The following ANKFN1 variants were observed in gnomAD, a reference collection of about 807,000 sequenced individuals.
ANKFN1 encodes the protein ankyrin repeat and fibronectin type III domain containing 1, also known as ankyrin repeat and fibronectin type-III domain-containing protein 1.
A neutral mutation model predicts 108.7 loss-of-function variants in ANKFN1; 74 were observed. That is an observed-to-expected ratio of 0.68 (90% CI 0.56 to 0.83). The LOEUF is 0.83. ANKFN1 is among the 40% of genes least tolerant of loss of function. ANKFN1 has a pLI of 0.00. For synonymous variants in ANKFN1, 547 were observed against 516.2 expected (o/e 1.06, Z -0.81); for missense variants, 1,505 against 1,382.3 (o/e 1.09, Z -1.41).
At chr17:56,176,146 T>A (rs1015673016) in intron 1 of ANKFN1, among the ~76,000 whole-genome samples, 10 of 151,994 alleles carry the variant, frequency 6.6e-5, no homozygotes, top group African/African-American at 2.4e-4. Context: ...CTTAATGCAT[T>A]TTTCTAGTAA....
At chr17:56,222,597 A>G (rs1383919613) in intron 2 of ANKFN1, among the ~76,000 whole-genome samples, 1 of 152,250 alleles carries the variant, frequency 6.6e-6, no homozygotes, top group African/African-American at 2.4e-5. Flanking sequence ...CAAAGGAATG[A>G]TCGGAGAAAA....
intron 1 of ANKFN1, among the ~76,000 whole-genome samples, chr17:56,210,851 A>G (rs1189354282): frequency 6.6e-6 from 1 of 152,210 alleles, no homozygotes; most frequent in Non-Finnish European, 1.5e-5. Context: ...CACCATCACA[A>G]GAACAGCATG....
chr17:56,239,435 C>T (rs1255185486), intron 3 of ANKFN1, among the ~76,000 whole-genome samples: 1 of 152,148 alleles, frequency 6.6e-6, no homozygotes, highest in Non-Finnish European at 1.5e-5. Flanking sequence ...ATGGATATCC[C>T]AGTTACCCTG....
rs57680665 is a variant in ANKFN1, at chr17:56,210,061, CATAGATAG to C, written c.-70-2497_-70-2490del. Among the ~76,000 whole-genome samples the C allele has an allele frequency of 8.7e-3, 1,285 of 148,092 alleles. 9 individuals carry two copies. Among genetic ancestry groups the C allele is most frequent in the African/African-American group, 0.015 (616 of 39,998 alleles). On this transcript the variant is annotated intron_variant, in intron 1 of 20. Coordinates refer to ENST00000682825, the MANE Select transcript of ANKFN1 (RefSeq NM_001370326.1). ...TATATTATAGATAGATAGATAGATA[CATAGATAG>C]ATAGATAGATAGATAGATAGATAGA...
chr17:56,334,840 A>G (rs1049963192), intron 4 of ANKFN1, among the ~76,000 whole-genome samples: 7 of 152,198 alleles, frequency 4.6e-5, no homozygotes, highest in African/African-American at 1.4e-4. Context: ...GTTTTCTTCT[A>G]GGGTTTTTAT....
chr17:56,102,405 A>T (rs1337928689), intron 4 of ANKFN1, among the ~76,000 whole-genome samples: 1 of 152,200 alleles, frequency 6.6e-6, no homozygotes, highest in African/African-American at 2.4e-5. Flanking sequence ...TATAAAGGCT[A>T]ATTATGTTCC....
intron 18 of ANKFN1, among the ~76,000 whole-genome samples, chr17:56,485,624 C>T (rs529279821): frequency 6.6e-6 from 1 of 152,278 alleles, no homozygotes; most frequent in Admixed American, 6.5e-5. Context: ...ATCCAGTGGT[C>T]ATCCCCCTAA....
chr17:56,280,068 G>C (rs1408356671), intron 3 of ANKFN1, among the ~76,000 whole-genome samples: 2 of 148,604 alleles, frequency 1.3e-5, no homozygotes, highest in African/African-American at 5.1e-5. Flanking sequence ...GGAGTGCAGT[G>C]GTGCGATCTC....
At chr17:56,247,867 G>T (rs1567862181) in intron 3 of ANKFN1, among the ~76,000 whole-genome samples, 1 of 152,160 alleles carries the variant, frequency 6.6e-6, no homozygotes, top group Non-Finnish European at 1.5e-5. Flanking sequence ...TTAGACAATG[G>T]TTAGCAGGGT....
At chr17:56,342,440 T>C (rs986287869) in intron 4 of ANKFN1, among the ~76,000 whole-genome samples, 2 of 152,050 alleles carry the variant, frequency 1.3e-5, no homozygotes, top group Non-Finnish European at 2.9e-5. Context: ...CTTAGTGCTG[T>C]AAATTTCCCT....
At chr17:56,365,676 A>C (rs1027415901) in intron 6 of ANKFN1, among the ~76,000 whole-genome samples, 2 of 152,212 alleles carry the variant, frequency 1.3e-5, no homozygotes, top group African/African-American at 4.8e-5. Context: ...GGTCCCATAA[A>C]ATTATAAGGC....
chr17:56,504,963 G>A (rs940609009), intron 20 of ANKFN1, among the ~76,000 whole-genome samples: 3 of 150,428 alleles, frequency 2.0e-5, no homozygotes, highest in Admixed American at 6.7e-5. Context: ...GTGAGCCACC[G>A]CACCCAGCCC....
At chr17:56,154,905 A>G (rs975204843) in intron 1 of ANKFN1, among the ~76,000 whole-genome samples, 3 of 152,138 alleles carry the variant, frequency 2.0e-5, no homozygotes, top group African/African-American at 7.2e-5. Flanking sequence ...CAGGTCTGAC[A>G]CTAATTAGTG....
chr17:56,375,745 G>A (rs951794856), intron 8 of ANKFN1, among the ~76,000 whole-genome samples: 1 of 152,144 alleles, frequency 6.6e-6, no homozygotes, highest in Non-Finnish European at 1.5e-5. Flanking sequence ...GTACTGCAGA[G>A]GTATTGTGAT....
rs115943381 is a variant in ANKFN1, at chr17:56,498,592, A to C, written c.2428-290A>C. ...AAGCAACTAAGGCTCAAAAAGGTCA[A>C]GTGACTTGCTATGAGTTAGTATAGT... On this transcript the variant is annotated intron_variant, in intron 19 of 20. Transcript: ENST00000682825. Among the ~76,000 whole-genome samples the C allele has an allele frequency of 9.4e-3, 1,437 of 152,330 alleles. 22 individuals carry two copies. Among genetic ancestry groups the C allele is most frequent in the African/African-American group, 0.033 (1,362 of 41,582 alleles).
chr17:56,341,539 C>A (rs2045958882), intron 4 of ANKFN1, among the ~76,000 whole-genome samples: 1 of 151,930 alleles, frequency 6.6e-6, no homozygotes, highest in Non-Finnish European at 1.5e-5. Context: ...TATCAGAAAC[C>A]TTTTTTTCAT....
chr17:56,334,103 TC>T (rs2045740692), intron 4 of ANKFN1, among the ~76,000 whole-genome samples: 1 of 152,140 alleles, frequency 6.6e-6, no homozygotes. Flanking sequence ...TAGTGGCATA[TC>T]CATACAATGG....
At chr17:56,155,674 T>C (rs1032375405) in intron 1 of ANKFN1, among the ~76,000 whole-genome samples, 7 of 152,044 alleles carry the variant, frequency 4.6e-5, no homozygotes, top group African/African-American at 1.4e-4. Context: ...CAGCTTGGCA[T>C]GTCTTAAGGC....
At chr17:56,176,580 T>C (rs1048681246) in intron 1 of ANKFN1, among the ~76,000 whole-genome samples, 1 of 152,216 alleles carries the variant, frequency 6.6e-6, no homozygotes, top group Non-Finnish European at 1.5e-5. Flanking sequence ...AAGTCTGTAC[T>C]TGATCCCTTA....
Sources: gnomAD v4.1 joint callset for allele counts (sites outside exome capture counted in the v4.1 genomes callset) on GRCh38, gnomAD v4.1.1 for gene constraint, MANE v1.5 for transcripts, NCBI Gene and HGNC (gene_info 2026-07-23, HGNC 2026-07-21) for gene names.